The following CD109 variants were observed in gnomAD, a reference collection of about 807,000 sequenced individuals.
The protein encoded by CD109 is CD109 antigen.
A neutral mutation model predicts 165.8 loss-of-function variants in CD109; 149 were observed. The observed-to-expected ratio is 0.90, with a 90% confidence interval of 0.79 to 1.03. The LOEUF is 1.03. Ranked by LOEUF, CD109 falls within the 50% of genes least tolerant of loss-of-function variation. The pLI is 0.00. For synonymous variants in CD109, 585 were observed against 592.1 expected (o/e 0.99, Z 0.18); for missense variants, 1,712 against 1,677.8 (o/e 1.02, Z -0.36).
intron 2 of CD109, among the ~76,000 whole-genome samples, chr6:73,716,483 G>A (rs558677595): frequency 6.6e-5 from 10 of 152,184 alleles, no homozygotes; most frequent in Non-Finnish European, 1.3e-4. Context: ...TAACTGGGGC[G>A]AGATGATATC....
At chr6:73,823,099 A>C (rs1776155559) in intron 32 of CD109, among the ~76,000 whole-genome samples, 1 of 152,210 alleles carries the variant, frequency 6.6e-6, no homozygotes, top group Non-Finnish European at 1.5e-5. Context: ...AGAGAATGTC[A>C]TCCTAAAATA....
chr6:73,774,685 C>A (rs897324527), intron 15 of CD109, among the ~76,000 whole-genome samples: 1 of 152,124 alleles, frequency 6.6e-6, no homozygotes, highest in Non-Finnish European at 1.5e-5. Flanking sequence ...GAGGCTACCC[C>A]CTGGAGGGAA....
At chr6:73,772,808 T>C (rs980552685) in intron 15 of CD109, among the ~76,000 whole-genome samples, 1 of 151,956 alleles carries the variant, frequency 6.6e-6, no homozygotes, top group Non-Finnish European at 1.5e-5. Context: ...GTTGGGTTGA[T>C]TTGGTCATTA....
rs533598496 is a variant in CD109, at chr6:73,772,018, A to G, written c.1827+437A>G. Reference sequence around the variant, plus strand: ...GTATATACAAATATCAATATATCACATTGTACTCCATAAATATATACAATA... The same window carrying G: ...GTATATACAAATATCAATATATCACGTTGTACTCCATAAATATATACAATA... On this transcript the variant is annotated intron_variant, in intron 15 of 32. Transcript: ENST00000287097. Among the ~76,000 whole-genome samples, 281 of 152,316 alleles carry G rather than the reference A, an allele frequency of 1.8e-3. 2 individuals carry two copies. The highest frequency in any genetic ancestry group is 6.4e-3 in the African/African-American group (268 of 41,566).
At chr6:73,686,756 A>ATC in the CD109 span, among the ~76,000 whole-genome samples, 1 of 152,278 alleles carries the variant, frequency 6.6e-6, no homozygotes, top group East Asian at 1.9e-4. Flanking sequence ...TAGTGGCACA[A>ATC]TCTCAGCTCA....
chr6:73,703,573 C>G (rs951586767), intron 2 of CD109, among the ~76,000 whole-genome samples: 1 of 152,182 alleles, frequency 6.6e-6, no homozygotes, highest in Non-Finnish European at 1.5e-5. Flanking sequence ...CCAGTATACT[C>G]TACGAAAGTT....
At chr6:73,792,886 A>G (rs1305588977) in intron 23 of CD109, 84 bp downstream of exon 23, 9 of 1,040,332 alleles carry the variant, frequency 8.7e-6, no homozygotes, top group Non-Finnish European at 2.7e-6. Flanking sequence ...ATATTTCAAA[A>G]TAGATGGATT....
chr6:73,809,607 C>T (rs1466584637), intron 26 of CD109, among the ~76,000 whole-genome samples: 3 of 152,076 alleles, frequency 2.0e-5, no homozygotes, highest in African/African-American at 7.2e-5. Flanking sequence ...TGAGCATTTC[C>T]TTTGAGTATC....
the CD109 span, among the ~76,000 whole-genome samples, chr6:73,686,675 A>G: frequency 6.6e-6 from 1 of 152,262 alleles, no homozygotes; most frequent in East Asian, 1.9e-4. Flanking sequence ...TCAATTTCTC[A>G]GTTATATCAG....
intron 5 of CD109, among the ~76,000 whole-genome samples, chr6:73,741,427 C>T (rs1263994585): frequency 1.3e-5 from 2 of 152,164 alleles, no homozygotes; most frequent in Non-Finnish European, 2.9e-5. Flanking sequence ...AACATCTTTT[C>T]ATAGAAGTGT....
chr6:73,727,585 G>T (rs1388537137), intron 3 of CD109, among the ~76,000 whole-genome samples: 2 of 152,060 alleles, frequency 1.3e-5, no homozygotes, highest in African/African-American at 2.4e-5. Context: ...AAATGTTTTC[G>T]GGCATATTTG....
chr6:73,757,122 G>A (rs1012484187), intron 6 of CD109, among the ~76,000 whole-genome samples: 1 of 152,146 alleles, frequency 6.6e-6, no homozygotes, highest in Non-Finnish European at 1.5e-5. Flanking sequence ...AAAAACAGTG[G>A]GACCCATCTA....
chr6:73,783,878 G>A, intron 19 of CD109, 54 bp downstream of exon 19: 2 of 958,376 alleles, frequency 2.1e-6, no homozygotes, highest in Non-Finnish European at 3.2e-6. Flanking sequence ...AGCTAATACA[G>A]CGTCAGCTCC....
intron 5 of CD109, among the ~76,000 whole-genome samples, chr6:73,746,244 A>C (rs1772980412): frequency 6.6e-6 from 1 of 152,108 alleles, no homozygotes; most frequent in Non-Finnish European, 1.5e-5. Context: ...GCATAGAGGG[A>C]GTTTTGGAAA....
intron 2 of CD109, among the ~76,000 whole-genome samples, chr6:73,712,438 A>G (rs976474160): frequency 6.6e-6 from 1 of 152,228 alleles, no homozygotes; most frequent in African/African-American, 2.4e-5. Flanking sequence ...AGCAAACACT[A>G]AGTCAGGCAT....
rs1014704939 is a variant in CD109 at position 73,805,889 on chromosome 6, G to A, written c.2961-955G>A. Among the ~76,000 whole-genome samples the A allele has an allele frequency of 3.9e-5, 6 of 152,262 alleles. No homozygotes were observed. The South Asian group carries it at 8.3e-4, about 21-fold the overall frequency. On this transcript the variant is annotated intron_variant, in intron 24 of 32. Transcript: ENST00000287097. The stretch of plus-strand genomic sequence containing the variant: ...AGGTTACAGATTAACAGCATCTCAA[G>A]GCAGAAGAATTTTTCTTAGTACAGA...
intron 5 of CD109, among the ~76,000 whole-genome samples, chr6:73,754,204 A>G (rs1773299326): frequency 6.6e-6 from 1 of 152,210 alleles, no homozygotes; most frequent in African/African-American, 2.4e-5. Context: ...TTGAGTCTCA[A>G]TCTGGGATAG....
At chr6:73,704,645 C>A (rs1771199784) in intron 2 of CD109, among the ~76,000 whole-genome samples, 1 of 152,126 alleles carries the variant, frequency 6.6e-6, no homozygotes, top group Middle Eastern at 3.2e-3. Flanking sequence ...ACTGTTGATC[C>A]TTTATGTCCT....
At chr6:73,798,755 C>A (rs574505041) in intron 23 of CD109, among the ~76,000 whole-genome samples, 3 of 152,040 alleles carry the variant, frequency 2.0e-5, no homozygotes, top group African/African-American at 7.2e-5. Context: ...AGGTCAGCCA[C>A]CTGAGGGGTA....
Sources: gnomAD v4.1 joint callset for allele counts (sites outside exome capture counted in the v4.1 genomes callset) on GRCh38, gnomAD v4.1.1 for gene constraint, MANE v1.5 for transcripts, NCBI Gene and HGNC (gene_info 2026-07-23, HGNC 2026-07-21) for gene names.